SPEN: variants seen among roughly 807,000 people sequenced by gnomAD.
SPEN encodes spen family transcriptional repressor, also known as msx2-interacting protein.
Under a neutral mutation model 269.9 loss-of-function variants are expected in SPEN, and 18 were observed. That is an observed-to-expected ratio of 0.07 (90% CI 0.05 to 0.10). The LOEUF is 0.10. Among genes scored for constraint, SPEN ranks in the 10% least tolerant of loss-of-function variants. SPEN has a pLI of 1.00. For missense variants in SPEN, 3,822 were observed against 4,631.2 expected (o/e 0.83, Z 5.07); for synonymous variants, 1,726 against 1,765.7 (o/e 0.98, Z 0.56).
In SPEN at chr1:15,876,690, G is replaced by A. The variant is rs766001779; in HGVS notation, c.881+12G>A. The A allele has an allele frequency of 6.3e-7, 1 of 1,589,668 alleles. No individual in the cohort carries two copies. ...ACCAGCAGTGACAGGTAGGTTAACA[G>A]CCTTTTGTTATAACAGATGAGCTAG... On this transcript the variant is annotated intron_variant, in intron 3 of 14. Transcript: ENST00000375759.
At position 15,876,483 on chromosome 1, in the gene SPEN, G is replaced by C. The variant is rs139125517; in HGVS notation, c.686G>C (p.Arg229Pro). ...AGGGATGATATTACCCGGGAGGTACGAGGCAGAAGGCCAGAGCGGAATTAC... is the reference window on the plus strand; with the variant it reads ...AGGGATGATATTACCCGGGAGGTACCAGGCAGAAGGCCAGAGCGGAATTAC... ...IYRDDITREV[R>P]GRRPERNYQH... Residue 229 changes from arginine to proline, a missense_variant, in exon 3 of 15, where the codon CGA becomes CCA. By Grantham distance (103) the Arg-to-Pro change is moderately radical. Coordinates refer to ENST00000375759, the MANE Select transcript of SPEN (RefSeq NM_015001.3). The C allele has an allele frequency of 4.3e-6, 7 of 1,614,004 alleles. No homozygotes were observed. Among genetic ancestry groups the C allele is most frequent in the Non-Finnish European group, 5.9e-6 (7 of 1,180,030 alleles).
intron 2 of SPEN, among the ~76,000 whole-genome samples, chr1:15,875,544 T>C (rs2070622712): frequency 1.3e-5 from 2 of 152,172 alleles, no homozygotes; most frequent in South Asian, 4.1e-4. Flanking sequence ...TTTTGATACT[T>C]GAAGTGGTTT....
intron 1 of SPEN, among the ~76,000 whole-genome samples, chr1:15,866,110 A>G (rs898228342): frequency 2.0e-5 from 3 of 152,220 alleles, no homozygotes; most frequent in East Asian, 3.9e-4. Context: ...AAGCTAATAC[A>G]TATCTTCAAA....
Position 15,876,253 on chromosome 1 carries a change from T to C in SPEN, c.456T>C (p.His152=). 1 of 1,614,056 alleles carries C rather than the reference T, an allele frequency of 6.2e-7. No homozygotes were observed. The highest frequency in any genetic ancestry group is 8.5e-7 in the Non-Finnish European group (1 of 1,180,020). ...RAYEHSAYGH[H]ERGTGGFDRT... ...ATGAACATAGTGCCTATGGACACCA[T>C]GAACGGGGGACGGGAGGATTTGATC... Residue 152 remains histidine, a synonymous_variant, in exon 3 of 15, where the codon CAT becomes CAC. Transcript: ENST00000375759.
chr1:15,870,247 C>T (rs943086164), intron 1 of SPEN, among the ~76,000 whole-genome samples: 2 of 152,130 alleles, frequency 1.3e-5, no homozygotes, highest in African/African-American at 4.8e-5. Context: ...TACACAAAGC[C>T]ATGGGTAGTT....
At chr1:15,891,907 A>G (rs537320313) in intron 3 of SPEN, among the ~76,000 whole-genome samples, 1 of 107,314 alleles carries the variant, frequency 9.3e-6, no homozygotes, top group Non-Finnish European at 1.9e-5. Context: ...TGGTTTTTTT[A>G]AAAAAAAAAA....
At chr1:15,904,436 G>A (rs12752547) in intron 3 of SPEN, among the ~76,000 whole-genome samples, 1 of 75,368 alleles carries the variant, frequency 1.3e-5, no homozygotes. Flanking sequence ...TGGGCAATAA[G>A]AGCGAAACTC....
intron 3 of SPEN, among the ~76,000 whole-genome samples, chr1:15,891,353 T>A (rs907587573): frequency 8.3e-6 from 1 of 120,876 alleles, no homozygotes; most frequent in Non-Finnish European, 1.8e-5. Flanking sequence ...CTTAGCTAAA[T>A]TTTTTTTTTT....
chr1:15,929,111 G>T lies in SPEN; in HGVS notation c.2871G>T (p.Arg957Ser), dbSNP rs1383655690. Reference protein sequence around the residue: ...SHVEVVEKEGRLKARKHLKPE... With the variant: ...SHVEVVEKEGSLKARKHLKPE... ...TTGAAGTGGTGGAGAAGGAAGGCAGGCTTAAAGCCAGGAAGCACCTCAAGC... is the reference window on the plus strand; with the variant it reads ...TTGAAGTGGTGGAGAAGGAAGGCAGTCTTAAAGCCAGGAAGCACCTCAAGC... The change falls in exon 11 of 15, where the codon AGG (arginine) becomes AGT (serine). Residue 957 changes from arginine (R) to serine (S), a missense_variant. By Grantham distance (110) the Arg-to-Ser change is moderately radical (BLOSUM62 -1). This residue lies in a region of SPEN where 572 missense variants were observed against 582.6 expected (regional missense o/e 0.98). Transcript: ENST00000375759. The surrounding 1 kb of genome is among the most constrained non-coding windows in gnomAD (Gnocchi z 5.8). 3 of 1,614,204 alleles carry T rather than the reference G, an allele frequency of 1.9e-6. No homozygotes were observed. Among genetic ancestry groups the T allele is most frequent in the Non-Finnish European group, 2.5e-6 (3 of 1,180,048 alleles).
At chr1:15,922,130 TTGC>T (rs2071125291) in intron 9 of SPEN, 116 bp from the exon 10 acceptor site, 1 of 694,376 alleles carries the variant, frequency 1.4e-6, no homozygotes, top group Non-Finnish European at 2.5e-6. Context: ...TTGAGATACA[TTGC>T]TGTTTCCTGA....
chr1:15,880,266 C>G (rs998801663), intron 3 of SPEN, among the ~76,000 whole-genome samples: 1 of 151,444 alleles, frequency 6.6e-6, no homozygotes, highest in Non-Finnish European at 1.5e-5. Context: ...TTTTTTTTCC[C>G]TTCTGAGAGG....
chr1:15,886,328 T>C (rs1021733198), intron 3 of SPEN, among the ~76,000 whole-genome samples: 3 of 152,182 alleles, frequency 2.0e-5, no homozygotes, highest in African/African-American at 7.2e-5. Context: ...GGGCAGCCCC[T>C]GCGTCTGAAT....
chr1:15,924,562 G>A (rs947696067), intron 10 of SPEN, among the ~76,000 whole-genome samples: 2 of 152,076 alleles, frequency 1.3e-5, no homozygotes, highest in Non-Finnish European at 2.9e-5. Context: ...CTGGGTTCAA[G>A]CGATTCTCCT....
chr1:15,938,564 GCTTT>G (rs2071302883), intron 13 of SPEN, 150 bp from the exon 14 acceptor site: 1 of 527,430 alleles, frequency 1.9e-6, no homozygotes, highest in Non-Finnish European at 3.0e-6. Context: ...TTGAAAAAAA[GCTTT>G]TTTTTTTTTT....
In SPEN at chr1:15,939,432, C is replaced by G. The variant is rs181465311; in HGVS notation, c.*5C>G. The G allele has an allele frequency of 6.3e-7, 1 of 1,585,016 alleles. No individual in the cohort carries two copies. The highest frequency in any genetic ancestry group is 1.4e-5 in the African/African-American group (1 of 73,756). On this transcript the variant is annotated 3_prime_UTR_variant, in exon 15 of 15. Coordinates refer to ENST00000375759, the MANE Select transcript of SPEN (RefSeq NM_015001.3). This position sits in a 1 kb window ranked among gnomAD's most constrained non-coding sequence, Gnocchi z 4.1. ...ATTGTCATTGCCTCCGTGTGAGCCACTGAGTGGTTATCACCTCAGTGAATC... is the reference window on the plus strand; with the variant it reads ...ATTGTCATTGCCTCCGTGTGAGCCAGTGAGTGGTTATCACCTCAGTGAATC...
intron 1 of SPEN, among the ~76,000 whole-genome samples, chr1:15,857,138 C>T (rs1400108645): frequency 2.6e-5 from 4 of 151,844 alleles, no homozygotes; most frequent in Non-Finnish European, 4.4e-5. Context: ...TCACTGCTTA[C>T]TGTGTCCCTT....
Position 15,920,934 on chromosome 1 carries a change from C to A in SPEN, c.1700C>A (p.Ala567Glu), listed in dbSNP as rs371193596. Residue 567 changes from alanine (A) to glutamate (E), a missense_variant, in exon 9 of 15, where the codon GCA (alanine) becomes GAA (glutamate). Physicochemically the swap from Ala to Glu is moderately radical, Grantham distance 107. Around this residue, in one of 16 missense-constraint regions of SPEN, gnomAD observed 230 missense variants for 426.1 expected, o/e 0.54. Transcript: ENST00000375759. The part of the protein sequence containing the change: ...VLYNEIEYAQ[A>E]AVKETKGRKI... ...TACAATGAAATTGAATATGCACAAG[C>A]AGCTGTAAAAGAGACCAAAGGGAGG... The A allele has an allele frequency of 4.4e-5, 71 of 1,612,958 alleles. No homozygotes were observed. The highest frequency in any genetic ancestry group is 5.8e-5 in the Non-Finnish European group (69 of 1,179,636).
intron 3 of SPEN, among the ~76,000 whole-genome samples, chr1:15,878,984 C>T (rs1483052615): frequency 9.2e-6 from 1 of 109,176 alleles, no homozygotes; most frequent in African/African-American, 3.7e-5. Flanking sequence ...GCCTGGGTGA[C>T]AGATGATGAG....
At chr1:15,898,173 T>TTGTG (rs58297957) in intron 3 of SPEN, among the ~76,000 whole-genome samples, 14,280 of 147,348 alleles carry the variant, frequency 0.097, 748 homozygotes, top group African/African-American at 0.14. Flanking sequence ...TAATTTATCT[T>TTGTG]TGTGTGTGTG....
Sources: allele counts gnomAD v4.1 joint callset (sites outside exome capture counted in the v4.1 genomes callset), GRCh38; gene constraint gnomAD v4.1.1; regional missense constraint gnomAD v4.1.1; non-coding constraint Gnocchi (gnomAD v3.1); transcripts MANE v1.5; gene names NCBI Gene and HGNC (gene_info 2026-07-23, HGNC 2026-07-21).